Variants in NCOA1 observed in about 807,000 individuals in gnomAD.
The protein encoded by NCOA1 is nuclear receptor coactivator 1, also known as Hin-2 protein.
In NCOA1, 35 loss-of-function variants were observed where a neutral mutation model predicts 150.9. The observed-to-expected ratio is 0.23, with a 90% CI of 0.18 to 0.31. The LOEUF (loss-of-function observed/expected upper bound fraction) is 0.31, where lower values mean the gene tolerates loss of function less well. NCOA1 is among the 10% of genes least tolerant of loss of function. The probability of loss-of-function intolerance (pLI) is 1.00; values close to 1 mark genes in which losing one functional copy is unlikely to be tolerated. For synonymous variants in NCOA1, 590 were observed against 630.0 expected, an observed-to-expected ratio of 0.94 and a Z score of 0.95; for missense variants, 1,491 against 1,749.3, an observed-to-expected ratio of 0.85 and a Z score of 2.63.
At chr2:24,560,040 C>A (rs1441907129) in intron 1 of NCOA1, among the ~76,000 whole-genome samples, 1 of 152,100 alleles carries the variant, frequency 6.6e-6, no homozygotes, top group African/African-American at 2.4e-5. Context: ...TGCACACTTC[C>A]CCTGATGATG....
intron 3 of NCOA1, among the ~76,000 whole-genome samples, chr2:24,613,496 A>G (rs1441819796): frequency 6.6e-6 from 1 of 152,206 alleles, no homozygotes. Flanking sequence ...CCAAGCACCC[A>G]GAGGTGGTCC....
chr2:24,491,916 A>T (rs1260546853), intron 1 of NCOA1: 16 of 151,656 alleles, frequency 1.1e-4, no homozygotes, highest in African/African-American at 3.9e-4. Flanking sequence ...GCATCCGCGG[A>T]GGGGGTGCGA....
chr2:24,618,027 TATAG>T (rs1053612716), intron 3 of NCOA1, among the ~76,000 whole-genome samples: 5 of 152,188 alleles, frequency 3.3e-5, no homozygotes, highest in African/African-American at 4.8e-5. Context: ...AATAAAACTA[TATAG>T]AGATATTTAT....
At chr2:24,623,496 C>T (rs977049170) in intron 3 of NCOA1, among the ~76,000 whole-genome samples, 2 of 152,078 alleles carry the variant, frequency 1.3e-5, no homozygotes, top group Non-Finnish European at 2.9e-5. Context: ...GGTCTTTGCC[C>T]TCTTCCTTCA....
At chr2:24,686,529 A>G (rs1161717246) in intron 8 of NCOA1, among the ~76,000 whole-genome samples, 1 of 152,222 alleles carries the variant, frequency 6.6e-6, no homozygotes, top group Admixed American at 6.5e-5. Context: ...CCTCCCACAC[A>G]CAAAATACTG....
intron 17 of NCOA1, among the ~76,000 whole-genome samples, chr2:24,730,709 A>G (rs1023486806): frequency 6.6e-6 from 1 of 152,080 alleles, no homozygotes; most frequent in African/African-American, 2.4e-5. Context: ...ATCATTAAGG[A>G]CCACAAGAGC....
chr2:24,720,181 T>C (rs901067528), intron 14 of NCOA1, among the ~76,000 whole-genome samples: 3 of 152,150 alleles, frequency 2.0e-5, no homozygotes, highest in Non-Finnish European at 4.4e-5. Flanking sequence ...TAGAAATAAA[T>C]AGGCAATGCC....
At chr2:24,567,933 G>A (rs549763960) in intron 2 of NCOA1, among the ~76,000 whole-genome samples, 61 of 152,064 alleles carry the variant, frequency 4.0e-4, no homozygotes, top group Admixed American at 1.1e-3. Context: ...TAGTAGAGAC[G>A]GAGTTTCACC....
chr2:24,511,342 G>T (rs1473849586), intron 1 of NCOA1, among the ~76,000 whole-genome samples: 1 of 152,152 alleles, frequency 6.6e-6, no homozygotes, highest in African/African-American at 2.4e-5. Context: ...TTAACATTGT[G>T]AGAACGGCAA....
chr2:24,544,049 T>G (rs1341945927), intron 1 of NCOA1, among the ~76,000 whole-genome samples: 1 of 152,140 alleles, frequency 6.6e-6, no homozygotes, highest in African/African-American at 2.4e-5. Flanking sequence ...AGTAGGAGGA[T>G]CATAAGGATG....
At chr2:24,709,221 C>T (rs548537001) in intron 13 of NCOA1, among the ~76,000 whole-genome samples, 30 of 152,212 alleles carry the variant, frequency 2.0e-4, no homozygotes, top group African/African-American at 6.3e-4. Flanking sequence ...CTGTTTTGTG[C>T]ACATGTGTAT....
intron 3 of NCOA1, among the ~76,000 whole-genome samples, chr2:24,590,819 C>T (rs941610984): frequency 2.0e-5 from 3 of 152,176 alleles, no homozygotes; most frequent in African/African-American, 7.2e-5. Flanking sequence ...TCAGCAATTC[C>T]TGTGCTCCTT....
At chr2:24,557,119 C>G (rs546571627) in intron 1 of NCOA1, among the ~76,000 whole-genome samples, 1 of 147,688 alleles carries the variant, frequency 6.8e-6, no homozygotes, top group South Asian at 2.2e-4. Context: ...TTGTGACAAC[C>G]AAAAATGCCT....
At chr2:24,727,865 A>G (rs895520668) in intron 15 of NCOA1, among the ~76,000 whole-genome samples, 1 of 152,210 alleles carries the variant, frequency 6.6e-6, no homozygotes, top group Admixed American at 6.5e-5. Context: ...AAGTTAATAT[A>G]ATATGTACTG....
intron 8 of NCOA1, among the ~76,000 whole-genome samples, chr2:24,686,973 A>G (rs1464787618): frequency 1.3e-5 from 2 of 152,070 alleles, no homozygotes; most frequent in Non-Finnish European, 2.9e-5. Context: ...GTTTTGTACA[A>G]CTTAGATATA....
chr2:24,606,139 G>T (rs1668351620), intron 3 of NCOA1, among the ~76,000 whole-genome samples: 1 of 152,060 alleles, frequency 6.6e-6, no homozygotes, highest in Non-Finnish European at 1.5e-5. Context: ...TACCAGTAAT[G>T]ATTGAGATGA....
chr2:24,612,102 T>A (rs1169521561), intron 3 of NCOA1, among the ~76,000 whole-genome samples: 2 of 152,238 alleles, frequency 1.3e-5, no homozygotes, highest in Non-Finnish European at 2.9e-5. Flanking sequence ...CTTTTAAGGC[T>A]GGTCTAGTGG....
Position 24,590,308 on chromosome 2 carries a change from T to C in NCOA1, c.-175+5748T>C, listed in dbSNP as rs56278170. ...ATCATGAGAGCATATCTACTCTCAGTACTCCCGTTTCTCAAGACTTCCTTG... is the reference window on the plus strand; with the variant it reads ...ATCATGAGAGCATATCTACTCTCAGCACTCCCGTTTCTCAAGACTTCCTTG... On this transcript the variant is annotated intron_variant, in intron 3 of 22. Coordinates refer to ENST00000348332, the MANE Select transcript of NCOA1 (RefSeq NM_003743.5). Among the ~76,000 whole-genome samples the C allele has an allele frequency of 5.8e-4, 89 of 152,348 alleles. 1 individual carries two copies. Among genetic ancestry groups the C allele is most frequent in the African/African-American group, 2.0e-3 (84 of 41,592 alleles).
chr2:24,628,126 C>G (rs1192669725), intron 3 of NCOA1, among the ~76,000 whole-genome samples: 1 of 151,988 alleles, frequency 6.6e-6, no homozygotes, highest in Non-Finnish European at 1.5e-5. Context: ...ATGTTGAAAC[C>G]CCGTCTCTAC....
Sources: gnomAD v4.1 joint callset for allele counts (sites outside exome capture counted in the v4.1 genomes callset) on GRCh38, gnomAD v4.1.1 for gene constraint, MANE v1.5 for transcripts, NCBI Gene and HGNC (gene_info 2026-07-23, HGNC 2026-07-21) for gene names.